C5orf22: variants seen among roughly 807,000 people sequenced by gnomAD.
The protein encoded by C5orf22 is chromosome 5 open reading frame 22, also known as UPF0489 protein C5orf22.
In C5orf22, 36 loss-of-function variants were observed where a neutral mutation model predicts 48.7. The ratio of observed to expected loss-of-function variants is 0.74; its 90% confidence interval spans 0.57 to 0.98. The LOEUF (loss-of-function observed/expected upper bound fraction) is 0.98, where lower values mean the gene tolerates loss of function less well. C5orf22 is among the 50% of genes least tolerant of loss of function. C5orf22 has a pLI of 0.00. For synonymous variants in C5orf22, 141 were observed against 180.8 expected, an observed-to-expected ratio of 0.78 and a Z score of 1.76; for missense variants, 486 against 521.9, an observed-to-expected ratio of 0.93 and a Z score of 0.67.
rs1256722028 is a variant in C5orf22 at position 31,538,639 on chromosome 5, G to C, written c.757G>C (p.Asp253His). Residue 253 changes from aspartate to histidine, a missense_variant, in exon 4 of 9, where the codon GAC becomes CAC. Transcript: ENST00000325366. Reference sequence around the variant, plus strand: ...AGGGAAGGCATTTGTTTTAGATATTGACTTGGATTTTTTTTCAGTCAAGAA... The same window carrying C: ...AGGGAAGGCATTTGTTTTAGATATTCACTTGGATTTTTTTTCAGTCAAGAA... ...KKGKAFVLDI[D>H]LDFFSVKNPF... 1 of 1,613,508 alleles carries C rather than the reference G, an allele frequency of 6.2e-7. No homozygotes were observed. The highest frequency in any genetic ancestry group is 2.2e-5 in the East Asian group (1 of 44,886).
chr5:31,540,647 C>G (rs947287972), intron 4 of C5orf22, among the ~76,000 whole-genome samples: 1 of 151,998 alleles, frequency 6.6e-6, no homozygotes, highest in Non-Finnish European at 1.5e-5. Flanking sequence ...ATCTCGTGAC[C>G]CATTAGCCAC....
chr5:31,534,619 CTA>C (rs1429869441), intron 2 of C5orf22: 9 of 548,190 alleles, frequency 1.6e-5, no homozygotes, highest in African/African-American at 1.3e-4. Context: ...GGTTTGCTGG[CTA>C]TATGGTCTCT....
rs1742390344 is a variant in C5orf22 at position 31,540,544 on chromosome 5, A to G, written c.808-405A>G. 6.6e-5 allele frequency among the ~76,000 whole-genome samples: 10 copies of G among 152,288 alleles called. No individual in the cohort carries two copies. In the South Asian group the frequency reaches 1.9e-3, roughly 28 times the overall value. On this transcript the variant is annotated intron_variant, in intron 4 of 8. Transcript: ENST00000325366. Reference sequence around the variant, plus strand: ...ACATAGGGAGTTCTTTGTTGTTGTTATTAAAGATATGTATATTTCCTGTAA... The same window carrying G: ...ACATAGGGAGTTCTTTGTTGTTGTTGTTAAAGATATGTATATTTCCTGTAA...
intron 8 of C5orf22, 94 bp from the exon 9 acceptor site, chr5:31,552,677 TTC>T (rs1173674279): frequency 8.9e-7 from 1 of 1,122,676 alleles, no homozygotes; most frequent in Non-Finnish European, 1.3e-6. Flanking sequence ...ACACCTTAAT[TTC>T]TGTTTTACAT....
rs1197108601 is a variant in C5orf22 at position 31,542,450 on chromosome 5, T to A, written c.992+1048T>A. Among the ~76,000 whole-genome samples the A allele has an allele frequency of 4.4e-5, 6 of 135,578 alleles. No homozygotes were observed. In the Admixed American group the frequency reaches 4.7e-4, roughly 11 times the overall value. 88.9% of individuals were successfully genotyped at this position (135,578 alleles called of 152,430 possible). A position where few individuals can be genotyped will look rare whatever the true frequency, so the allele number is the denominator to read the frequency against. On this transcript the variant is annotated intron_variant, in intron 6 of 8. Transcript: ENST00000325366. ...ACTCCAGCCTGTGGAGACTGGACTT[T>A]TTCTGAGACTCCGTCTCAAAAAAAA...
At chr5:31,541,166 G>T (rs911601670) in intron 5 of C5orf22, 115 bp from the exon 6 acceptor site, 5 of 1,104,048 alleles carry the variant, frequency 4.5e-6, no homozygotes, top group Non-Finnish European at 6.6e-6. Context: ...GAAGCCCATG[G>T]TTAGTACTTG....
At chr5:31,532,523 C>G (rs775096385) in intron 1 of C5orf22, 50 bp downstream of exon 1, 5 of 1,516,604 alleles carry the variant, frequency 3.3e-6, no homozygotes, top group Non-Finnish European at 3.6e-6. Flanking sequence ...GAAGCCCTGA[C>G]GCTCAGAGGG....
At position 31,532,436 on chromosome 5, in the gene C5orf22, C is replaced by T; in HGVS notation, c.44C>T (p.Pro15Leu). The T allele has an allele frequency of 6.2e-7, 1 of 1,613,964 alleles. No individual in the cohort carries two copies. The highest frequency in any genetic ancestry group is 8.5e-7 in the Non-Finnish European group (1 of 1,179,962). Residue 15 changes from proline (P) to leucine (L), a missense_variant, in exon 1 of 9, where the codon CCC becomes CTC. Around this residue, in one of 3 missense-constraint regions of C5orf22, gnomAD observed 74 missense variants for 61.2 expected, o/e 1.21. Transcript: ENST00000325366. ...GGGCGCGCTGGTCTCCGGCGTTACC[C>T]CAAGCTCCCAGTGTGGGTGGTGGAG... ...AGGRAGLRRY[P>L]KLPVWVVEDH...
At chr5:31,546,776 A>G (rs187240957) in intron 7 of C5orf22, among the ~76,000 whole-genome samples, 9 of 152,152 alleles carry the variant, frequency 5.9e-5, no homozygotes, top group Non-Finnish European at 1.0e-4. Flanking sequence ...CCTACAATTC[A>G]ATCACCTCCC....
At chr5:31,536,371 A>G (rs576034692) in intron 3 of C5orf22, among the ~76,000 whole-genome samples, 147 of 152,038 alleles carry the variant, frequency 9.7e-4, no homozygotes, top group Non-Finnish European at 1.7e-3. Context: ...ATACAAAAAC[A>G]AATTAGCCGG....
chr5:31,532,580 A>G, intron 1 of C5orf22, 107 bp downstream of exon 1: 1 of 896,234 alleles, frequency 1.1e-6, no homozygotes, highest in Non-Finnish European at 1.7e-6. Context: ...AGAGTTAACC[A>G]GAGTTAAACT....
intron 4 of C5orf22, among the ~76,000 whole-genome samples, chr5:31,540,265 C>G (rs1742371145): frequency 6.6e-6 from 1 of 152,132 alleles, no homozygotes; most frequent in African/African-American, 2.4e-5. Context: ...AATTTTAGCC[C>G]TTGGGTATAA....
chr5:31,551,261 T>C (rs1219572806), intron 7 of C5orf22, 32 bp from the exon 8 acceptor site: 1 of 1,607,314 alleles, frequency 6.2e-7, no homozygotes, highest in East Asian at 2.2e-5. Context: ...ACAACTGTCA[T>C]ACAGTGTAAT....
intron 3 of C5orf22, among the ~76,000 whole-genome samples, chr5:31,537,580 T>C (rs929603740): frequency 6.6e-6 from 1 of 152,222 alleles, no homozygotes; most frequent in African/African-American, 2.4e-5. Context: ...AAGAAGTATT[T>C]GGCTTCACTG....
At chr5:31,537,239 A>G (rs1742153561) in intron 3 of C5orf22, among the ~76,000 whole-genome samples, 1 of 152,208 alleles carries the variant, frequency 6.6e-6, no homozygotes, top group Non-Finnish European at 1.5e-5. Context: ...ATTTTGGAAG[A>G]TTTTGATTCA....
chr5:31,537,789 G>C lies in C5orf22; in HGVS notation c.378-471G>C, dbSNP rs529745425. On this transcript the variant is annotated intron_variant, in intron 3 of 8. Transcript: ENST00000325366. ...AAGGAACACTGGCTTAAACAAGAGA[G>C]TTTATTCTTATATTAGAATTCACTG... Among the ~76,000 whole-genome samples, 5 of 152,338 alleles carry C rather than the reference G, an allele frequency of 3.3e-5. 1 individual carries two copies. The highest frequency in any genetic ancestry group is 9.6e-5 in the African/African-American group (4 of 41,592).
intron 7 of C5orf22, 35 bp from the exon 8 acceptor site, chr5:31,551,257 GT>G: frequency 6.2e-7 from 1 of 1,605,780 alleles, no homozygotes; most frequent in East Asian, 2.2e-5. Flanking sequence ...AAAAACAACT[GT>G]CATACAGTGT....
intron 1 of C5orf22, among the ~76,000 whole-genome samples, chr5:31,532,802 T>G (rs1741668928): frequency 6.6e-6 from 1 of 152,068 alleles, no homozygotes; most frequent in African/African-American, 2.4e-5. Flanking sequence ...AACTCTGGCT[T>G]CCAAGTATCT....
In C5orf22 at chr5:31,532,457, T is replaced by C. The variant is rs1561313648; in HGVS notation, c.65T>C (p.Val22Ala). ...TACCCCAAGCTCCCAGTGTGGGTGGTGGAGGATCATCAGGAGGTGAGCGGA... is the reference window on the plus strand; with the variant it reads ...TACCCCAAGCTCCCAGTGTGGGTGGCGGAGGATCATCAGGAGGTGAGCGGA... ...RRYPKLPVWV[V>A]EDHQEVLPFI... The change falls in exon 1 of 9, where the codon GTG (valine) becomes GCG (alanine). Residue 22 changes from valine (V) to alanine (A), a missense_variant. Transcript: ENST00000325366. 1.9e-6 allele frequency: 3 copies of C among 1,613,650 alleles called. No individual in the cohort carries two copies. Among genetic ancestry groups the C allele is most frequent in the Non-Finnish European group, 2.5e-6 (3 of 1,179,854 alleles).
Sources: gnomAD v4.1 joint callset for allele counts (sites outside exome capture counted in the v4.1 genomes callset) on GRCh38, gnomAD v4.1.1 for gene constraint, gnomAD v4.1.1 regional missense constraint, MANE v1.5 for transcripts, NCBI Gene and HGNC (gene_info 2026-07-23, HGNC 2026-07-21) for gene names.